The following EVI5 variants were observed in gnomAD, a reference collection of about 807,000 sequenced individuals.
The protein encoded by EVI5 is ecotropic viral integration site 5.
In EVI5, 73 loss-of-function variants were observed where a neutral mutation model predicts 112.0. The ratio of observed to expected loss-of-function variants is 0.65; its 90% CI spans 0.54 to 0.79. The LOEUF (loss-of-function observed/expected upper bound fraction) is 0.79. Ranked by LOEUF, EVI5 falls within the 30% of genes least tolerant of loss-of-function variation. The pLI, the probability that EVI5 is intolerant of heterozygous loss-of-function variation, is 0.00. For missense variants in EVI5, 900 were observed against 968.8 expected (o/e 0.93, Z 0.94); for synonymous variants, 305 against 319.9 (o/e 0.95, Z 0.50).
chr1:92,694,018 T>C lies in EVI5; in HGVS notation c.1000-119A>G, dbSNP rs77380652. On this transcript the variant is annotated intron_variant, in intron 8 of 19. Transcript: ENST00000684568. The stretch of plus-strand genomic sequence containing the variant: ...GGCTCATGCTTGTAATCTCAGCATT[T>C]TGGGAGGCCAAGGCAGGCGGATCAC... The C allele has an allele frequency of 0.023, 16,308 of 715,408 alleles. 1,031 individuals are homozygous for C. Among genetic ancestry groups the C allele is most frequent in the African/African-American group, 0.18 (10,282 of 56,590 alleles). 44.3% of individuals were successfully genotyped at this position (715,408 alleles called of 1,614,324 possible).
At chr1:92,524,748 G>T (rs113492939) in intron 19 of EVI5, among the ~76,000 whole-genome samples, 1,846 of 151,728 alleles carry the variant, frequency 0.012, 23 homozygotes, top group Non-Finnish European at 0.018. Flanking sequence ...ATATCCAGGT[G>T]ACAAGCCATA....
At chr1:92,690,471 T>G (rs1250553203) in intron 9 of EVI5, among the ~76,000 whole-genome samples, 2 of 151,770 alleles carry the variant, frequency 1.3e-5, no homozygotes, top group East Asian at 3.9e-4. Flanking sequence ...GTATCTTGAG[T>G]AGCTGGAACT....
intron 19 of EVI5, among the ~76,000 whole-genome samples, chr1:92,517,130 A>C (rs903970440): frequency 6.6e-6 from 1 of 152,212 alleles, no homozygotes; most frequent in African/African-American, 2.4e-5. Context: ...TGCGACCCAC[A>C]TTCATGGATT....
At chr1:92,788,511 A>T (rs555448225), upstream of EVI5, among the ~76,000 whole-genome samples, 3 of 145,778 alleles carry the variant, frequency 2.1e-5, no homozygotes, top group Non-Finnish European at 4.5e-5. Flanking sequence ...CAAAAAAAAA[A>T]CTAGGCAGGA....
intron 18 of EVI5, among the ~76,000 whole-genome samples, chr1:92,599,144 A>G (rs975205996): frequency 1.3e-5 from 2 of 151,934 alleles, no homozygotes; most frequent in Non-Finnish European, 2.9e-5. Context: ...GTATTTCTTC[A>G]TGTAATGTAT....
chr1:92,772,056 G>A (rs1252194012), intron 1 of EVI5, among the ~76,000 whole-genome samples: 1 of 151,448 alleles, frequency 6.6e-6, no homozygotes, highest in African/African-American at 2.4e-5. Context: ...GTTTCACCAT[G>A]TTGATCAGGC....
At chr1:92,561,972 G>C (rs773756659) in intron 19 of EVI5, among the ~76,000 whole-genome samples, 1 of 152,120 alleles carries the variant, frequency 6.6e-6, no homozygotes, top group Non-Finnish European at 1.5e-5. Flanking sequence ...ATATGACAGG[G>C]AAAGTTAATG....
rs200063630 is a variant in EVI5 at position 92,513,510 on chromosome 1, AATATATATATATATATATATAT to A, written c.*124_*145del. On this transcript the variant is annotated 3_prime_UTR_variant, in exon 20 of 20. Coordinates refer to ENST00000684568, the MANE Select transcript of EVI5 (RefSeq NM_001350197.2). ...GATAAAAAGGCAGATAAGACTGTAA[AATATATATATATATATATATAT>A]ATATATATATATATATATATATATA... 4,905 of 172,414 alleles carry A rather than the reference AATATATATATATATATATATAT, an allele frequency of 0.028. 137 individuals carry two copies. Among genetic ancestry groups the A allele is most frequent in the Middle Eastern group, 0.041 (20 of 486 alleles). 10.7% of individuals were successfully genotyped at this position (172,414 alleles called of 1,614,324 possible). A position where few individuals can be genotyped will look rare whatever the true frequency, so the allele number is the denominator to read the frequency against.
chr1:92,552,122 G>GAAAAAAAAAAAAAAAAAAAAAAAAA (rs143454054), intron 19 of EVI5, among the ~76,000 whole-genome samples: 1 of 123,158 alleles, frequency 8.1e-6, no homozygotes, highest in Non-Finnish European at 1.7e-5. Context: ...GGGCTGTAGG[G>GAAAAAAAAAAAAAAAAAAAAAAAAA]AAAAAAAAAA....
chr1:92,665,139 A>C (rs768246039), intron 11 of EVI5, among the ~76,000 whole-genome samples: 5 of 152,166 alleles, frequency 3.3e-5, no homozygotes, highest in Admixed American at 6.5e-5. Flanking sequence ...TGGGAGGAGG[A>C]GGCTGCAGTG....
intron 18 of EVI5, among the ~76,000 whole-genome samples, chr1:92,594,361 A>G (rs966388824): frequency 2.0e-5 from 3 of 151,858 alleles, no homozygotes; most frequent in African/African-American, 7.3e-5. Context: ...CTGGCTAGCC[A>G]TATGTAGAAA....
intron 14 of EVI5, among the ~76,000 whole-genome samples, chr1:92,634,746 A>C (rs1658352999): frequency 6.6e-6 from 1 of 152,182 alleles, no homozygotes; most frequent in African/African-American, 2.4e-5. Flanking sequence ...TTAGAGGAGA[A>C]GAGGCACTCT....
intron 13 of EVI5, among the ~76,000 whole-genome samples, chr1:92,661,296 T>A (rs1389139156): frequency 6.6e-6 from 1 of 152,132 alleles, no homozygotes; most frequent in Non-Finnish European, 1.5e-5. Flanking sequence ...GATGTTCACT[T>A]TCTAGCCGTA....
intron 18 of EVI5, among the ~76,000 whole-genome samples, chr1:92,596,234 G>C (rs140363922): frequency 6.6e-6 from 1 of 152,216 alleles, no homozygotes; most frequent in East Asian, 1.9e-4. Context: ...GGTGGCATGT[G>C]CCTGTAGTCC....
chr1:92,761,917 A>T (rs1241276579), intron 1 of EVI5, among the ~76,000 whole-genome samples: 1 of 148,622 alleles, frequency 6.7e-6, no homozygotes, highest in African/African-American at 2.6e-5. Context: ...CGCCCATGCA[A>T]TGTCTTGCAT....
intron 19 of EVI5, among the ~76,000 whole-genome samples, chr1:92,522,481 C>T (rs1661098844): frequency 6.6e-6 from 1 of 151,682 alleles, no homozygotes; most frequent in African/African-American, 2.4e-5. Flanking sequence ...ACTAAAAATA[C>T]AAAAATCAGC....
At chr1:92,658,929 T>A (rs1451434765) in intron 13 of EVI5, among the ~76,000 whole-genome samples, 1 of 152,016 alleles carries the variant, frequency 6.6e-6, no homozygotes, top group African/African-American at 2.4e-5. Flanking sequence ...TAAAGTCACA[T>A]ACCTACAGTT....
intron 18 of EVI5, among the ~76,000 whole-genome samples, chr1:92,570,844 C>A (rs1258871850): frequency 6.6e-6 from 1 of 151,952 alleles, no homozygotes; most frequent in Admixed American, 6.6e-5. Context: ...ACTTTGATTT[C>A]TTTGGAGGAA....
intron 9 of EVI5, among the ~76,000 whole-genome samples, chr1:92,692,491 C>A (rs1669650520): frequency 6.6e-6 from 1 of 152,184 alleles, no homozygotes; most frequent in Non-Finnish European, 1.5e-5. Flanking sequence ...TAAAACATCA[C>A]AAGTAACTTA....
Sources: allele counts gnomAD v4.1 joint callset (sites outside exome capture counted in the v4.1 genomes callset), GRCh38; gene constraint gnomAD v4.1.1; transcripts MANE v1.5; gene names NCBI Gene and HGNC (gene_info 2026-07-23, HGNC 2026-07-21).